Variants in AKAP19 observed in about 807,000 individuals in gnomAD.
The protein encoded by AKAP19 is small A-kinase anchoring protein.
chr2:189,987,117 A>T, the AKAP19 span, among the ~76,000 whole-genome samples: 3 of 152,192 alleles, frequency 2.0e-5, no homozygotes, highest in African/African-American at 7.2e-5. Flanking sequence ...ATCTCCCAGA[A>T]TTCCCACATG....
the AKAP19 span, among the ~76,000 whole-genome samples, chr2:190,176,151 G>T: frequency 6.6e-6 from 1 of 152,256 alleles, no homozygotes; most frequent in Non-Finnish European, 1.5e-5. This position sits in a 1 kb window ranked among gnomAD's most constrained non-coding sequence, Gnocchi z 4.7. Flanking sequence ...CTGCTGGTAG[G>T]TTTACATTTT....
At chr2:189,909,688 A>C in the AKAP19 span, among the ~76,000 whole-genome samples, 109 of 152,192 alleles carry the variant, frequency 7.2e-4, no homozygotes, top group Non-Finnish European at 4.0e-4. Flanking sequence ...TTTTTATATC[A>C]TGAATCCATT....
chr2:190,077,742 AAG>A, the AKAP19 span, among the ~76,000 whole-genome samples: 1 of 152,162 alleles, frequency 6.6e-6, no homozygotes, highest in Admixed American at 6.5e-5. Context: ...TCTTCCTTTG[AAG>A]AGTGTTGAAG....
the AKAP19 span, among the ~76,000 whole-genome samples, chr2:190,048,373 G>C: frequency 6.6e-6 from 1 of 152,132 alleles, no homozygotes; most frequent in Non-Finnish European, 1.5e-5. Flanking sequence ...CTGACACCAA[G>C]TAACCATAGA....
the AKAP19 span, among the ~76,000 whole-genome samples, chr2:190,061,561 C>T: frequency 2.0e-5 from 3 of 151,928 alleles, no homozygotes; most frequent in Non-Finnish European, 4.4e-5. Context: ...TGAGCCATAA[C>T]CTACCCAATT....
chr2:189,929,895 A>T, the AKAP19 span, among the ~76,000 whole-genome samples: 1 of 152,146 alleles, frequency 6.6e-6, no homozygotes. Context: ...GGGGAGGGGG[A>T]AGAGAAGAAA....
At chr2:189,978,124 G>C in the AKAP19 span, among the ~76,000 whole-genome samples, 2 of 152,182 alleles carry the variant, frequency 1.3e-5, no homozygotes, top group African/African-American at 4.8e-5. Flanking sequence ...AGAGGTACAT[G>C]TGCTGGTTTG....
At chr2:190,179,338 T>TGG in the AKAP19 span, among the ~76,000 whole-genome samples, 1 of 150,536 alleles carries the variant, frequency 6.6e-6, no homozygotes, top group East Asian at 2.0e-4. The surrounding 1 kb of genome is among the most constrained non-coding windows in gnomAD (Gnocchi z 6.0). Context: ...ACCTGGGAGG[T>TGG]GGGGGTTGCA....
At chr2:190,198,843 T>C in the AKAP19 span, among the ~76,000 whole-genome samples, 1 of 152,146 alleles carries the variant, frequency 6.6e-6, no homozygotes, top group African/African-American at 2.4e-5. Flanking sequence ...GAGTTCATTC[T>C]GTGATAACAC....
chr2:189,967,470 G>A, the AKAP19 span, among the ~76,000 whole-genome samples: 5 of 152,266 alleles, frequency 3.3e-5, no homozygotes, highest in East Asian at 7.7e-4. Context: ...TATTTTTAAT[G>A]AGCTAAAATA....
At chr2:189,935,535 A>G in the AKAP19 span, among the ~76,000 whole-genome samples, 1 of 152,078 alleles carries the variant, frequency 6.6e-6, no homozygotes, top group Non-Finnish European at 1.5e-5. Flanking sequence ...ATAATTTTCA[A>G]ATGGAGTCTA....
At chr2:189,940,307 G>A in the AKAP19 span, among the ~76,000 whole-genome samples, 3 of 151,270 alleles carry the variant, frequency 2.0e-5, no homozygotes, top group Non-Finnish European at 2.9e-5. Flanking sequence ...TTAGCCAGGC[G>A]TGGTGGCAGC....
chr2:189,993,021 C>T, the AKAP19 span, among the ~76,000 whole-genome samples: 1 of 152,112 alleles, frequency 6.6e-6, no homozygotes, highest in Admixed American at 6.5e-5. Flanking sequence ...TTTCTCTTGC[C>T]TGATTGCTCT....
chr2:190,039,850 T>C, the AKAP19 span, among the ~76,000 whole-genome samples: 1 of 152,170 alleles, frequency 6.6e-6, no homozygotes, highest in African/African-American at 2.4e-5. Context: ...AAAGACATGA[T>C]CTCGTTCTTT....
the AKAP19 span, among the ~76,000 whole-genome samples, chr2:190,065,832 A>G: frequency 2.0e-5 from 3 of 152,184 alleles, no homozygotes; most frequent in Non-Finnish European, 2.9e-5. Context: ...GAATGGGTGA[A>G]GAAGAACTGA....
At chr2:189,917,112 A>T in the AKAP19 span, 1 of 371,666 alleles carries the variant, frequency 2.7e-6, no homozygotes, top group Non-Finnish European at 5.0e-6. Context: ...TATAGCACAA[A>T]CCCTCATATT....
the AKAP19 span, among the ~76,000 whole-genome samples, chr2:190,000,033 G>C: frequency 1.3e-5 from 2 of 152,178 alleles, no homozygotes; most frequent in African/African-American, 4.8e-5. Flanking sequence ...TAAACAGTTA[G>C]ACTTCTAGCA....
chr2:190,175,966 G>A, the AKAP19 span, among the ~76,000 whole-genome samples: 1 of 152,138 alleles, frequency 6.6e-6, no homozygotes, highest in Admixed American at 6.5e-5. Context: ...TTTAGCTAGG[G>A]TTCCCCACCT....
At chr2:190,184,187 A>G in the AKAP19 span, among the ~76,000 whole-genome samples, 1 of 152,204 alleles carries the variant, frequency 6.6e-6, no homozygotes, top group Non-Finnish European at 1.5e-5. Flanking sequence ...GTGTTTCACA[A>G]GGGGCTGAAG....
Sources: gnomAD v4.1 joint callset for allele counts (sites outside exome capture counted in the v4.1 genomes callset) on GRCh38, gnomAD v4.1.1 for gene constraint, Gnocchi (gnomAD v3.1) non-coding constraint, MANE v1.5 for transcripts, NCBI Gene and HGNC (gene_info 2026-07-23, HGNC 2026-07-21) for gene names.